DNAH14: variants seen among roughly 807,000 people sequenced by gnomAD.
The protein encoded by DNAH14 is axonemal beta dynein heavy chain 14.
A neutral mutation model predicts 520.9 loss-of-function variants in DNAH14; 478 were observed. The ratio of observed to expected loss-of-function variants is 0.92; its 90% CI spans 0.85 to 0.99. The LOEUF is 0.99. DNAH14 is among the 50% of genes least tolerant of loss of function. DNAH14 has a pLI of 0.00. For synonymous variants in DNAH14, 1,581 were observed against 1,757.2 expected, an observed-to-expected ratio of 0.90 and a Z score of 2.51; for missense variants, 4,831 against 5,234.5, an observed-to-expected ratio of 0.92 and a Z score of 2.38.
chr1:225,250,610 T>C, intron 43 of DNAH14: 1 of 473,872 alleles, frequency 2.1e-6, no homozygotes, highest in Non-Finnish European at 3.9e-6. Context: ...TTTGTTATAC[T>C]CACAGGTTCC....
At chr1:225,336,347 G>T (rs1405639864) in intron 66 of DNAH14, among the ~76,000 whole-genome samples, 1 of 151,922 alleles carries the variant, frequency 6.6e-6, no homozygotes, top group African/African-American at 2.4e-5. Context: ...CAAAATAGAT[G>T]TTAAGGCATA....
At chr1:225,374,248 CTATA>C (rs370980116) in intron 77 of DNAH14, among the ~76,000 whole-genome samples, 10,651 of 77,528 alleles carry the variant, frequency 0.14, 1,864 homozygotes, top group African/African-American at 0.43. Flanking sequence ...ATATATTTGT[CTATA>C]TATATATATA....
chr1:224,938,811 T>G (rs1188424883), intron 1 of DNAH14, among the ~76,000 whole-genome samples: 1 of 152,110 alleles, frequency 6.6e-6, no homozygotes, highest in Admixed American at 6.5e-5. Context: ...AATGGATAAA[T>G]AAAGAAAATG....
intron 30 of DNAH14, among the ~76,000 whole-genome samples, chr1:225,146,335 A>G (rs2079939998): frequency 6.6e-6 from 1 of 152,196 alleles, no homozygotes; most frequent in East Asian, 1.9e-4. Flanking sequence ...TCACTTACTC[A>G]TTCCGATTCC....
At chr1:225,341,972 A>G (rs2095191899) in intron 69 of DNAH14, among the ~76,000 whole-genome samples, 1 of 152,178 alleles carries the variant, frequency 6.6e-6, no homozygotes, top group Non-Finnish European at 1.5e-5. Flanking sequence ...TTTTTAAAAA[A>G]TACAAATGCC....
chr1:225,029,764 A>G (rs1469935871), intron 11 of DNAH14, among the ~76,000 whole-genome samples: 2 of 151,946 alleles, frequency 1.3e-5, no homozygotes, highest in Non-Finnish European at 2.9e-5. Flanking sequence ...ACCCTACAGA[A>G]CAAGAAGCAT....
chr1:225,349,667 A>C (rs2150453621), intron 71 of DNAH14, among the ~76,000 whole-genome samples: 1 of 152,330 alleles, frequency 6.6e-6, no homozygotes, highest in East Asian at 1.9e-4. Flanking sequence ...TATCAGATGA[A>C]GTAAACGTGA....
chr1:225,060,466 C>A (rs1019396958), intron 17 of DNAH14, among the ~76,000 whole-genome samples: 1 of 152,158 alleles, frequency 6.6e-6, no homozygotes, highest in Non-Finnish European at 1.5e-5. Context: ...CGACCTTCCT[C>A]CTTTAGCTCA....
At chr1:225,110,626 A>G (rs1038938077) in intron 23 of DNAH14, among the ~76,000 whole-genome samples, 2 of 151,712 alleles carry the variant, frequency 1.3e-5, no homozygotes, top group African/African-American at 4.8e-5. Context: ...TCTAAAAACA[A>G]CTTTTCATTT....
At chr1:225,184,605 G>A (rs2084446887) in intron 36 of DNAH14, among the ~76,000 whole-genome samples, 1 of 152,124 alleles carries the variant, frequency 6.6e-6, no homozygotes, top group South Asian at 2.1e-4. Context: ...GGGCAACAGA[G>A]CAAGACTCTG....
intron 54 of DNAH14, among the ~76,000 whole-genome samples, chr1:225,278,448 A>G (rs1227818231): frequency 6.6e-6 from 1 of 152,188 alleles, no homozygotes; most frequent in African/African-American, 2.4e-5. Context: ...AGCCACTGTT[A>G]TCATCACCTG....
rs190379558 is a variant in DNAH14, at chr1:225,193,559, A to T, written c.5886+648A>T. On this transcript the variant is annotated intron_variant, in intron 38 of 85. Transcript: ENST00000682510. ...AATAAATATTAAAACTAAATAGGTT[A>T]ATAAAGATTTTTTAAATGGGAAAAC... Among the ~76,000 whole-genome samples the T allele has an allele frequency of 1.9e-4, 29 of 152,178 alleles. No homozygotes were observed. The East Asian group carries it at 5.2e-3, about 27-fold the overall frequency.
At chr1:224,939,666 AGAGT>A (rs1255366582) in intron 1 of DNAH14, among the ~76,000 whole-genome samples, 5 of 152,206 alleles carry the variant, frequency 3.3e-5, no homozygotes, top group African/African-American at 1.2e-4. Context: ...CCTGGGCAAC[AGAGT>A]GAGACTCCAT....
chr1:225,162,361 G>A (rs1487700886), intron 35 of DNAH14, among the ~76,000 whole-genome samples: 1 of 152,060 alleles, frequency 6.6e-6, no homozygotes, highest in East Asian at 1.9e-4. Flanking sequence ...ATATTGGTCT[G>A]TGTGTCTATT....
At chr1:225,009,009 C>T in intron 10 of DNAH14, among the ~76,000 whole-genome samples, 1 of 151,746 alleles carries the variant, frequency 6.6e-6, no homozygotes, top group Non-Finnish European at 1.5e-5. Context: ...TGGATATTAG[C>T]CCTTTGTCAG....
chr1:225,222,378 T>G (rs1421177661), intron 41 of DNAH14, among the ~76,000 whole-genome samples: 1 of 152,160 alleles, frequency 6.6e-6, no homozygotes, highest in African/African-American at 2.4e-5. Context: ...TCTCGCTGAC[T>G]TCAAGAATGA....
chr1:225,379,750 C>T (rs2095755969), intron 79 of DNAH14, among the ~76,000 whole-genome samples: 1 of 152,142 alleles, frequency 6.6e-6, no homozygotes, highest in African/African-American at 2.4e-5. Flanking sequence ...GTCTCAAACT[C>T]CTGACCTCAA....
chr1:224,942,631 G>A (rs2059502359), intron 1 of DNAH14, among the ~76,000 whole-genome samples: 2 of 152,128 alleles, frequency 1.3e-5, no homozygotes, highest in Non-Finnish European at 1.5e-5. Flanking sequence ...GTATGATATT[G>A]GCTGTGGGTT....
chr1:225,174,581 G>A (rs1303654281), intron 36 of DNAH14, among the ~76,000 whole-genome samples: 41 of 152,102 alleles, frequency 2.7e-4, no homozygotes, highest in Admixed American at 2.6e-3. Context: ...TGGTGGAGTC[G>A]TTAGTACTTT....
Sources: allele counts gnomAD v4.1 joint callset (sites outside exome capture counted in the v4.1 genomes callset), GRCh38; gene constraint gnomAD v4.1.1; transcripts MANE v1.5; gene names NCBI Gene and HGNC (gene_info 2026-07-23, HGNC 2026-07-21).